DYRK1A: variants seen among roughly 807,000 people sequenced by gnomAD.
DYRK1A encodes dual specificity tyrosine phosphorylation regulated kinase 1A, also known as dual specificity tyrosine-phosphorylation-regulated kinase 1A.
In DYRK1A, 9 loss-of-function variants were observed where a neutral mutation model predicts 79.7. The observed-to-expected ratio is 0.11, with a 90% confidence interval of 0.07 to 0.20. The LOEUF is 0.20. DYRK1A is among the 10% of genes least tolerant of loss of function. The pLI, the probability that DYRK1A is intolerant of heterozygous loss-of-function variation, is 1.00. For synonymous variants in DYRK1A, 349 were observed against 329.7 expected (o/e 1.06, Z -0.63); for missense variants, 622 against 956.0 (o/e 0.65, Z 4.61).
intron 9 of DYRK1A, chr21:37,503,529 C>G (rs1214956177): frequency 6.6e-6 from 1 of 152,168 alleles, no homozygotes; most frequent in Non-Finnish European, 1.5e-5. Flanking sequence ...TCAAGCAGTT[C>G]TTCTACCTCA....
At chr21:37,390,689 C>T (rs780722263) in intron 1 of DYRK1A, among the ~76,000 whole-genome samples, 1 of 152,204 alleles carries the variant, frequency 6.6e-6, no homozygotes, top group Non-Finnish European at 1.5e-5. Context: ...CTGCCTCAGC[C>T]TCCCAAGGAG....
At chr21:37,453,370 G>A (rs1301261121) in intron 2 of DYRK1A, among the ~76,000 whole-genome samples, 1 of 152,140 alleles carries the variant, frequency 6.6e-6, no homozygotes, top group African/African-American at 2.4e-5. Flanking sequence ...AATATAGTAG[G>A]GGCTCAGTAG....
At chr21:37,419,331 G>A (rs1376333285) in intron 1 of DYRK1A, 1 of 152,148 alleles carries the variant, frequency 6.6e-6, no homozygotes, top group Non-Finnish European at 1.5e-5. Flanking sequence ...TTTAGGAATT[G>A]GAGGCATTGG....
chr21:37,398,250 A>G (rs1272745312), intron 1 of DYRK1A, among the ~76,000 whole-genome samples: 1 of 150,798 alleles, frequency 6.6e-6, no homozygotes, highest in Non-Finnish European at 1.5e-5. Context: ...AGGTGGGAGG[A>G]TTGCTTGAGT....
At chr21:37,394,476 T>C (rs377116409) in intron 1 of DYRK1A, among the ~76,000 whole-genome samples, 2 of 152,004 alleles carry the variant, frequency 1.3e-5, no homozygotes, top group Non-Finnish European at 2.9e-5. Flanking sequence ...ATGGCAGGGG[T>C]CTCCAGCCAC....
intron 1 of DYRK1A, among the ~76,000 whole-genome samples, chr21:37,378,543 A>C (rs777525078): frequency 2.6e-5 from 4 of 152,168 alleles, no homozygotes. Context: ...CGAAAAACAA[A>C]ACAAAAGTAT....
intron 1 of DYRK1A, among the ~76,000 whole-genome samples, chr21:37,388,284 A>T (rs1011622437): frequency 1.3e-5 from 2 of 151,542 alleles, no homozygotes; most frequent in African/African-American, 4.9e-5. Context: ...GGGTCTTGCC[A>T]TGTTGCCCAG....
rs2053911282 is a variant in DYRK1A, at chr21:37,519,272, T to TA, written c.*6742dup. 6.6e-6 allele frequency: 1 copy of TA among 152,240 alleles called. No individual in the cohort carries two copies. Among genetic ancestry groups the TA allele is most frequent in the South Asian group, 2.1e-4 (1 of 4,828 alleles). The allele number at this position is 152,240 out of a possible 1,614,324, so 9.4% of individuals were successfully genotyped here. A position where few individuals can be genotyped will look rare whatever the true frequency, so the allele number is the denominator to read the frequency against. On this transcript the variant is annotated 3_prime_UTR_variant, in exon 12 of 12. Coordinates refer to ENST00000647188, the MANE Select transcript of DYRK1A (RefSeq NM_001347721.2). ...CCAGCCACCAGCTCTGTATAGTAGT[T>TA]ACAGTTTCCCTCTCTAGAATCCCAA...
At position 37,366,961 on chromosome 21, in the gene DYRK1A, G is replaced by T; in HGVS notation, c.-744G>T. ...CGGCCCAGGTCGGCCTCAGAGAGCG[G>T]ACACCCCGAGCGGGGGGTGCGGGCG... On this transcript the variant is annotated 5_prime_UTR_variant, in exon 1 of 12. Transcript: ENST00000647188. 6.3e-6 allele frequency: 1 copy of T among 158,030 alleles called. No homozygotes were observed. Among genetic ancestry groups the T allele is most frequent in the South Asian group, 1.4e-4 (1 of 7,028 alleles). 9.8% of individuals were successfully genotyped at this position (158,030 alleles called of 1,614,324 possible).
intron 2 of DYRK1A, among the ~76,000 whole-genome samples, chr21:37,440,613 G>A (rs1223973642): frequency 6.6e-6 from 1 of 151,904 alleles, no homozygotes; most frequent in East Asian, 1.9e-4. Flanking sequence ...TTTATAATTT[G>A]CTGTTTGCTT....
At chr21:37,484,954 C>G (rs1277790390) in intron 5 of DYRK1A, among the ~76,000 whole-genome samples, 2 of 152,148 alleles carry the variant, frequency 1.3e-5, no homozygotes, top group African/African-American at 4.8e-5. Flanking sequence ...TCTGTATAGA[C>G]TTGGTCAGAC....
intron 1 of DYRK1A, among the ~76,000 whole-genome samples, chr21:37,413,176 T>C (rs1271835703): frequency 6.6e-6 from 1 of 152,196 alleles, no homozygotes; most frequent in East Asian, 1.9e-4. Flanking sequence ...GAACTCACTT[T>C]ACTGCTTTTA....
intron 2 of DYRK1A, among the ~76,000 whole-genome samples, chr21:37,435,363 C>T (rs1372043897): frequency 2.0e-5 from 3 of 152,300 alleles, no homozygotes; most frequent in African/African-American, 4.8e-5. Context: ...TTTCTGTGTG[C>T]TGTTCTGCTG....
chr21:37,389,127 C>G (rs2049821117), intron 1 of DYRK1A, among the ~76,000 whole-genome samples: 2 of 151,664 alleles, frequency 1.3e-5, no homozygotes, highest in South Asian at 4.2e-4. Flanking sequence ...ATCCTTCTAC[C>G]TTAGCCTCCC....
chr21:37,501,483 T>C (rs2053450438), intron 9 of DYRK1A: 1 of 152,196 alleles, frequency 6.6e-6, no homozygotes, highest in Non-Finnish European at 1.5e-5. Context: ...TTATATGTTT[T>C]AACAGTCATT....
chr21:37,479,619 G>GTTTTTGTTTTTGTTTTTTTTTTT (rs2052550822), intron 4 of DYRK1A, among the ~76,000 whole-genome samples: 3 of 73,924 alleles, frequency 4.1e-5, no homozygotes, highest in African/African-American at 1.0e-4. Flanking sequence ...TTTGTTTTTT[G>GTTTTTGTTTTTGTTTTTTTTTTT]TTTTTTTTTT....
chr21:37,492,482 GCT>G (rs2053128925), intron 7 of DYRK1A, among the ~76,000 whole-genome samples: 2 of 152,208 alleles, frequency 1.3e-5, no homozygotes, highest in Non-Finnish European at 2.9e-5. Flanking sequence ...GTCAGAGACA[GCT>G]CTCAATTGAA....
chr21:37,432,286 A>G (rs2050797104), intron 2 of DYRK1A, among the ~76,000 whole-genome samples: 1 of 152,178 alleles, frequency 6.6e-6, no homozygotes, highest in African/African-American at 2.4e-5. Flanking sequence ...CCAATAGTCC[A>G]GTAGTTAAAA....
At chr21:37,455,093 C>T (rs1388602825) in intron 2 of DYRK1A, among the ~76,000 whole-genome samples, 3 of 150,770 alleles carry the variant, frequency 2.0e-5, no homozygotes, top group Admixed American at 6.6e-5. Context: ...AAACAGGCTC[C>T]CAGGACAATT....
Sources: gnomAD v4.1 joint callset for allele counts (sites outside exome capture counted in the v4.1 genomes callset) on GRCh38, gnomAD v4.1.1 for gene constraint, MANE v1.5 for transcripts, NCBI Gene and HGNC (gene_info 2026-07-23, HGNC 2026-07-21) for gene names.